CDK14: variants seen among roughly 807,000 people sequenced by gnomAD.
CDK14 encodes cyclin dependent kinase 14, also known as cyclin-dependent kinase 14.
CDK14 carries 34 observed loss-of-function variants against 60.7 expected under a neutral mutation model. The ratio of observed to expected loss-of-function variants is 0.56; its 90% CI spans 0.43 to 0.75. The LOEUF is 0.75. CDK14 is among the 30% of genes least tolerant of loss of function. The pLI is 0.00. For missense variants in CDK14, 482 were observed against 564.1 expected, an observed-to-expected ratio of 0.85 and a Z score of 1.47; for synonymous variants, 197 against 203.7, an observed-to-expected ratio of 0.97 and a Z score of 0.28.
At chr7:91,105,864 A>G (rs1562906535) in intron 12 of CDK14, among the ~76,000 whole-genome samples, 1 of 152,206 alleles carries the variant, frequency 6.6e-6, no homozygotes, top group African/African-American at 2.4e-5. Context: ...AAATTTGTCA[A>G]AGAATTGAAA....
intron 5 of CDK14, among the ~76,000 whole-genome samples, chr7:90,839,260 GTTGA>G (rs1264568366): frequency 3.3e-5 from 5 of 152,278 alleles, no homozygotes; most frequent in Admixed American, 2.0e-4. Flanking sequence ...AGTCTCAGTG[GTTGA>G]TTGACCTGCC....
At chr7:90,996,380 T>C (rs17163473) in intron 10 of CDK14, among the ~76,000 whole-genome samples, 10,590 of 152,244 alleles carry the variant, frequency 0.07, 440 homozygotes, top group East Asian at 0.18. Context: ...CCTTGTATCA[T>C]CTCTTGCCCA....
At chr7:91,158,316 A>G (rs1243497588) in intron 14 of CDK14, among the ~76,000 whole-genome samples, 2 of 151,942 alleles carry the variant, frequency 1.3e-5, no homozygotes, top group Non-Finnish European at 2.9e-5. Flanking sequence ...GCGCTCAAGC[A>G]TTCTGCCCAC....
At chr7:90,717,366 G>A (rs1424547673) in intron 2 of CDK14, among the ~76,000 whole-genome samples, 18 of 152,044 alleles carry the variant, frequency 1.2e-4, no homozygotes, top group Admixed American at 1.0e-3. Context: ...AATAGAATTA[G>A]CAAAACAGTT....
rs982682339 is a variant in CDK14, at chr7:90,970,940, A to G, written c.948-13208A>G. Among the ~76,000 whole-genome samples, 9 of 151,906 alleles carry G rather than the reference A, an allele frequency of 5.9e-5. No individual in the cohort carries two copies. In the South Asian group the frequency reaches 1.7e-3, roughly 28 times the overall value. On this transcript the variant is annotated intron_variant, in intron 9 of 14. Transcript: ENST00000380050. ...TTCATTTATTCCCTCATTTTTTATTATTATTATACTTTAAGTTTTAGGGTA... is the reference window on the plus strand; with the variant it reads ...TTCATTTATTCCCTCATTTTTTATTGTTATTATACTTTAAGTTTTAGGGTA...
chr7:91,056,411 T>C (rs79455448), intron 11 of CDK14, among the ~76,000 whole-genome samples: 1 of 151,520 alleles, frequency 6.6e-6, no homozygotes, highest in Admixed American at 6.6e-5. Context: ...GTGAAAATTC[T>C]TTTTTTTTAA....
intron 4 of CDK14, among the ~76,000 whole-genome samples, chr7:90,782,426 T>C (rs1008987861): frequency 9.2e-5 from 14 of 152,312 alleles, no homozygotes; most frequent in East Asian, 5.8e-4. Flanking sequence ...CCTGCCTAAT[T>C]GCCCTGGCCA....
intron 14 of CDK14, among the ~76,000 whole-genome samples, chr7:91,171,689 G>A (rs1006656457): frequency 2.6e-5 from 4 of 151,806 alleles, no homozygotes; most frequent in Admixed American, 6.6e-5. Context: ...CTCTGTCGCC[G>A]AGGCTGGAGT....
At chr7:90,803,248 A>G (rs1788709354) in intron 5 of CDK14, among the ~76,000 whole-genome samples, 1 of 152,244 alleles carries the variant, frequency 6.6e-6, no homozygotes, top group South Asian at 2.1e-4. Context: ...GGATTGAGTA[A>G]GAGACAGAGG....
chr7:90,796,145 G>T, intron 5 of CDK14, among the ~76,000 whole-genome samples: 1 of 152,238 alleles, frequency 6.6e-6, no homozygotes, highest in African/African-American at 2.4e-5. Flanking sequence ...CTCAGTTGCG[G>T]TTGTGTTGTA....
At chr7:90,748,156 G>A (rs1399765944) in intron 4 of CDK14, among the ~76,000 whole-genome samples, 2 of 152,010 alleles carry the variant, frequency 1.3e-5, no homozygotes, top group East Asian at 3.8e-4. Flanking sequence ...GGCCATTCTT[G>A]GGGTCTTTTT....
intron 12 of CDK14, among the ~76,000 whole-genome samples, chr7:91,086,581 C>T (rs891377064): frequency 1.3e-5 from 2 of 152,100 alleles, no homozygotes; most frequent in Non-Finnish European, 2.9e-5. Flanking sequence ...ATATGAGATG[C>T]TATTGAGAGG....
At chr7:90,799,062 T>C (rs1788537447) in intron 5 of CDK14, among the ~76,000 whole-genome samples, 1 of 152,234 alleles carries the variant, frequency 6.6e-6, no homozygotes, top group African/African-American at 2.4e-5. Context: ...CTTCCACGTT[T>C]TTTGTTGTCT....
chr7:90,823,071 T>G (rs1437614840), intron 5 of CDK14, among the ~76,000 whole-genome samples: 1 of 152,176 alleles, frequency 6.6e-6, no homozygotes, highest in Non-Finnish European at 1.5e-5. Flanking sequence ...TAGGAGATAA[T>G]AGAAATAGAG....
At chr7:90,799,000 A>G (rs1788535640) in intron 5 of CDK14, among the ~76,000 whole-genome samples, 1 of 152,232 alleles carries the variant, frequency 6.6e-6, no homozygotes, top group Non-Finnish European at 1.5e-5. Context: ...CTTTCAAACA[A>G]CTTTTAAGTG....
chr7:90,629,760 C>T (rs548712651), intron 2 of CDK14, among the ~76,000 whole-genome samples: 1 of 152,284 alleles, frequency 6.6e-6, no homozygotes, highest in African/African-American at 2.4e-5. Flanking sequence ...GGTGCGGTGG[C>T]TCACACCTGT....
chr7:90,971,156 T>G (rs1794917000), intron 9 of CDK14, among the ~76,000 whole-genome samples: 3 of 151,768 alleles, frequency 2.0e-5, no homozygotes, highest in South Asian at 4.2e-4. Flanking sequence ...ACATGTGGTT[T>G]TTTTTTTTTT....
chr7:90,679,008 A>G (rs1584788600), intron 2 of CDK14, among the ~76,000 whole-genome samples: 1 of 152,220 alleles, frequency 6.6e-6, no homozygotes, highest in East Asian at 1.9e-4. Flanking sequence ...GGAGTGTAGT[A>G]GTGCAAACAA....
intron 2 of CDK14, among the ~76,000 whole-genome samples, chr7:90,725,881 G>C (rs982315961): frequency 6.6e-6 from 1 of 152,060 alleles, no homozygotes; most frequent in Non-Finnish European, 1.5e-5. Flanking sequence ...GAAGGAGGTG[G>C]AGGTCTAGTG....
Sources: gnomAD v4.1 joint callset for allele counts (sites outside exome capture counted in the v4.1 genomes callset) on GRCh38, gnomAD v4.1.1 for gene constraint, MANE v1.5 for transcripts, NCBI Gene and HGNC (gene_info 2026-07-23, HGNC 2026-07-21) for gene names.